The following GALNTL6 variants were observed in gnomAD, a reference collection of about 807,000 sequenced individuals.
GALNTL6 encodes polypeptide N-acetylgalactosaminyltransferase like 6, also known as polypeptide N-acetylgalactosaminyltransferase-like 6.
A neutral mutation model predicts 73.7 loss-of-function variants in GALNTL6; 46 were observed. The ratio of observed to expected loss-of-function variants is 0.62; its 90% CI spans 0.49 to 0.80. The LOEUF is 0.80. GALNTL6 is among the 30% of genes least tolerant of loss of function. GALNTL6 has a pLI of 0.00. For synonymous variants in GALNTL6, 259 were observed against 263.7 expected (o/e 0.98, Z 0.17); for missense variants, 604 against 755.0 (o/e 0.80, Z 2.34).
intron 2 of GALNTL6, among the ~76,000 whole-genome samples, chr4:171,943,606 T>A (rs550997199): frequency 1.3e-5 from 2 of 152,196 alleles, no homozygotes; most frequent in Non-Finnish European, 2.9e-5. Context: ...CAAGGCAATG[T>A]TATTGTAAAA....
chr4:172,191,900 C>T (rs556546424), intron 2 of GALNTL6, among the ~76,000 whole-genome samples: 7 of 152,254 alleles, frequency 4.6e-5, no homozygotes, highest in South Asian at 4.1e-4. Flanking sequence ...CATTTTATCA[C>T]TTCTGCTTTT....
intron 2 of GALNTL6, among the ~76,000 whole-genome samples, chr4:172,144,539 A>G (rs1733879221): frequency 6.6e-6 from 1 of 152,214 alleles, no homozygotes; most frequent in Non-Finnish European, 1.5e-5. Context: ...AGAGTTTTAT[A>G]TGAGAGGGAG....
intron 5 of GALNTL6, among the ~76,000 whole-genome samples, chr4:172,589,083 A>G (rs993520782): frequency 6.6e-6 from 1 of 152,312 alleles, no homozygotes; most frequent in South Asian, 2.1e-4. Flanking sequence ...TTATATGGCC[A>G]ATTTTAAGAA....
intron 10 of GALNTL6, among the ~76,000 whole-genome samples, chr4:172,968,428 A>G (rs1453162936): frequency 1.3e-5 from 2 of 152,200 alleles, no homozygotes; most frequent in Non-Finnish European, 2.9e-5. Context: ...AAACCATGCT[A>G]ACGCAGAGTT....
chr4:172,471,389 C>T (rs760337571), intron 5 of GALNTL6, among the ~76,000 whole-genome samples: 1 of 152,164 alleles, frequency 6.6e-6, no homozygotes, highest in African/African-American at 2.4e-5. Flanking sequence ...TAAAGGTAAC[C>T]TTTCCCTTTC....
intron 5 of GALNTL6, among the ~76,000 whole-genome samples, chr4:172,738,583 A>G (rs1168004477): frequency 7.6e-6 from 1 of 131,322 alleles, no homozygotes; most frequent in African/African-American, 3.3e-5. Flanking sequence ...TATATACAAA[A>G]TATATTTTAA....
chr4:172,110,903 A>T (rs1199462506), intron 2 of GALNTL6, among the ~76,000 whole-genome samples: 3 of 152,142 alleles, frequency 2.0e-5, no homozygotes, highest in African/African-American at 7.2e-5. Context: ...AAGAGAAAAG[A>T]AAATGGAGCT....
At chr4:172,750,269 G>T (rs1385098864) in intron 5 of GALNTL6, among the ~76,000 whole-genome samples, 1 of 151,978 alleles carries the variant, frequency 6.6e-6, no homozygotes, top group Non-Finnish European at 1.5e-5. Context: ...TATTTTTCAA[G>T]GAAAAAATGT....
At chr4:172,792,016 T>C (rs1439265999) in intron 5 of GALNTL6, among the ~76,000 whole-genome samples, 1 of 152,200 alleles carries the variant, frequency 6.6e-6, no homozygotes, top group Admixed American at 6.5e-5. Flanking sequence ...CTAGAGGGCA[T>C]AAGTTCCAGG....
chr4:171,845,096 A>C (rs1425281667), intron 2 of GALNTL6, among the ~76,000 whole-genome samples: 4 of 152,214 alleles, frequency 2.6e-5, no homozygotes, highest in Admixed American at 2.6e-4. Flanking sequence ...TGTACTAATG[A>C]ATTCATTTGC....
chr4:172,089,989 A>G (rs1323679973), intron 2 of GALNTL6, among the ~76,000 whole-genome samples: 2 of 152,142 alleles, frequency 1.3e-5, no homozygotes, highest in African/African-American at 4.8e-5. Flanking sequence ...GCTGAGAATG[A>G]TGGTTTCCAG....
intron 3 of GALNTL6, among the ~76,000 whole-genome samples, chr4:172,269,055 A>G (rs1280222905): frequency 1.3e-5 from 2 of 152,100 alleles, no homozygotes; most frequent in South Asian, 4.1e-4. Context: ...TTCTCCTCCA[A>G]GCAACAACTG....
chr4:172,078,177 G>C (rs983883059), intron 2 of GALNTL6, among the ~76,000 whole-genome samples: 4 of 152,200 alleles, frequency 2.6e-5, no homozygotes, highest in African/African-American at 9.6e-5. Context: ...ACCTCTACTA[G>C]GGCAGTGCAG....
chr4:171,866,659 T>C (rs1735978810), intron 2 of GALNTL6, among the ~76,000 whole-genome samples: 1 of 152,170 alleles, frequency 6.6e-6, no homozygotes, highest in Non-Finnish European at 1.5e-5. Context: ...TCTCACAGTT[T>C]TGGAGGCTGG....
intron 5 of GALNTL6, among the ~76,000 whole-genome samples, chr4:172,651,159 GC>G (rs1740459213): frequency 6.6e-6 from 1 of 152,194 alleles, no homozygotes; most frequent in South Asian, 2.1e-4. Context: ...TTCCAGGCCT[GC>G]TTTAGGTACA....
chr4:172,641,037 A>T (rs1204986585), intron 5 of GALNTL6, among the ~76,000 whole-genome samples: 1 of 151,830 alleles, frequency 6.6e-6, no homozygotes, highest in Non-Finnish European at 1.5e-5. Flanking sequence ...ATCCTCCTTG[A>T]CCCTCTCTTC....
chr4:172,548,831 G>T (rs537166257), intron 5 of GALNTL6, among the ~76,000 whole-genome samples: 1 of 152,164 alleles, frequency 6.6e-6, no homozygotes, highest in African/African-American at 2.4e-5. Context: ...GCATCTTTTT[G>T]TATGTATATG....
chr4:173,017,500 GA>G (rs1411753442), intron 11 of GALNTL6, among the ~76,000 whole-genome samples: 1 of 152,142 alleles, frequency 6.6e-6, no homozygotes, highest in Non-Finnish European at 1.5e-5. Flanking sequence ...ATGTGCCAAT[GA>G]AAAGACTCAA....
At chr4:172,629,882 A>G (rs1029683442) in intron 5 of GALNTL6, among the ~76,000 whole-genome samples, 1 of 152,218 alleles carries the variant, frequency 6.6e-6, no homozygotes, top group Admixed American at 6.5e-5. Context: ...AAAATCATTA[A>G]AAATCTGCTT....
Sources: gnomAD v4.1 joint callset for allele counts (sites outside exome capture counted in the v4.1 genomes callset) on GRCh38, gnomAD v4.1.1 for gene constraint, MANE v1.5 for transcripts, NCBI Gene and HGNC (gene_info 2026-07-23, HGNC 2026-07-21) for gene names.